The following RANBP2 variants were observed in gnomAD, a reference collection of about 807,000 sequenced individuals.
RANBP2 encodes E3 SUMO-protein ligase RanBP2.
RANBP2 carries 57 observed loss-of-function variants against 303.6 expected under a neutral mutation model. The ratio of observed to expected loss-of-function variants is 0.19; its 90% CI spans 0.15 to 0.23. The LOEUF (loss-of-function observed/expected upper bound fraction) is 0.23. Ranked by LOEUF, RANBP2 falls within the 10% of genes least tolerant of loss-of-function variation. The probability of loss-of-function intolerance (pLI) is 1.00; values close to 1 mark genes in which losing one functional copy is unlikely to be tolerated. For synonymous variants in RANBP2, 1,167 were observed against 1,301.5 expected (o/e 0.90, Z 2.23); for missense variants, 3,138 against 3,780.8 (o/e 0.83, Z 4.46).
chr2:109,400,211 C>G, the RANBP2 span, among the ~76,000 whole-genome samples: 3 of 152,210 alleles, frequency 2.0e-5, no homozygotes, highest in African/African-American at 7.2e-5. Flanking sequence ...CCTACACACA[C>G]TTGCACACAT....
At chr2:109,139,198 G>A in the RANBP2 span, among the ~76,000 whole-genome samples, 1 of 152,188 alleles carries the variant, frequency 6.6e-6, no homozygotes, top group East Asian at 1.9e-4. Flanking sequence ...CCCAAGCACA[G>A]CCAAAGGTAA....
chr2:108,762,761 C>T (rs1676817509), intron 19 of RANBP2, among the ~76,000 whole-genome samples: 1 of 151,304 alleles, frequency 6.6e-6, no homozygotes, highest in African/African-American at 2.4e-5. Flanking sequence ...TAGAACAGTG[C>T]CCAGCTGGCA....
chr2:108,753,240 A>G, intron 13 of RANBP2, 81 bp downstream of exon 13: 1 of 1,607,730 alleles, frequency 6.2e-7, no homozygotes, highest in Non-Finnish European at 8.5e-7. Flanking sequence ...ACACTGCTTA[A>G]ATTAATTGCC....
chr2:109,469,474 T>C, the RANBP2 span, among the ~76,000 whole-genome samples: 1 of 152,172 alleles, frequency 6.6e-6, no homozygotes, highest in East Asian at 1.9e-4. Flanking sequence ...TGTGCAGGGG[T>C]CACACTATGT....
chr2:108,727,632 A>ATTTTTT, intron 1 of RANBP2, among the ~76,000 whole-genome samples: 1 of 141,594 alleles, frequency 7.1e-6, no homozygotes. Flanking sequence ...TTGAGATGGA[A>ATTTTTT]TCATTCTGTT....
the RANBP2 span, among the ~76,000 whole-genome samples, chr2:108,945,195 TG>T: frequency 6.6e-6 from 1 of 152,034 alleles, no homozygotes; most frequent in Non-Finnish European, 1.5e-5. Flanking sequence ...CCAGCTTGGG[TG>T]GGGGCGAGCT....
At chr2:109,674,792 G>T in the RANBP2 span, among the ~76,000 whole-genome samples, 1 of 151,888 alleles carries the variant, frequency 6.6e-6, no homozygotes, top group Admixed American at 6.6e-5. Context: ...CCCTGAGTTT[G>T]CTAGCTTTCT....
chr2:109,453,201 A>G, the RANBP2 span, among the ~76,000 whole-genome samples: 1 of 152,110 alleles, frequency 6.6e-6, no homozygotes, highest in South Asian at 2.1e-4. Flanking sequence ...CTGCCAGCCT[A>G]TGCAGGAACC....
At chr2:109,170,971 A>C in the RANBP2 span, among the ~76,000 whole-genome samples, 2 of 152,128 alleles carry the variant, frequency 1.3e-5, no homozygotes, top group African/African-American at 4.8e-5. Flanking sequence ...GCACAGAGGC[A>C]CACAGGGCGC....
the RANBP2 span, among the ~76,000 whole-genome samples, chr2:109,248,644 A>G: frequency 2.6e-5 from 4 of 152,222 alleles, no homozygotes; most frequent in African/African-American, 9.7e-5. Context: ...AAGTGCAAGC[A>G]AATAATTAGT....
chr2:109,602,163 A>G, the RANBP2 span, among the ~76,000 whole-genome samples: 1 of 152,210 alleles, frequency 6.6e-6, no homozygotes, highest in Admixed American at 6.5e-5. Flanking sequence ...GTGGGTAACA[A>G]AGGTAACAAT....
At chr2:109,022,835 G>A in the RANBP2 span, among the ~76,000 whole-genome samples, 2 of 152,170 alleles carry the variant, frequency 1.3e-5, no homozygotes, top group South Asian at 4.1e-4. Flanking sequence ...TGGATCACCT[G>A]AGGTCAGGAG....
the RANBP2 span, among the ~76,000 whole-genome samples, chr2:109,489,760 C>T: frequency 2.6e-5 from 4 of 151,026 alleles, no homozygotes; most frequent in South Asian, 2.1e-4. Flanking sequence ...GCGGGGGGGA[C>T]GGAGTCTCGC....
the RANBP2 span, among the ~76,000 whole-genome samples, chr2:109,726,058 G>GGTGT: frequency 0.14 from 19,341 of 136,704 alleles, 1,473 homozygotes; most frequent in Non-Finnish European, 0.17. Context: ...TTTTGCTTTT[G>GGTGT]GTGTGTGTGT....
chr2:108,858,574 A>C, the RANBP2 span, among the ~76,000 whole-genome samples: 1 of 152,214 alleles, frequency 6.6e-6, no homozygotes, highest in Non-Finnish European at 1.5e-5. Flanking sequence ...AGTACGATTT[A>C]TTAGAGCGAG....
the RANBP2 span, among the ~76,000 whole-genome samples, chr2:109,511,622 G>A: frequency 6.6e-6 from 1 of 152,184 alleles, no homozygotes; most frequent in African/African-American, 2.4e-5. Context: ...GAATAGGGAG[G>A]GGCACAAGCC....
At chr2:109,421,229 G>A in the RANBP2 span, among the ~76,000 whole-genome samples, 1 of 152,242 alleles carries the variant, frequency 6.6e-6, no homozygotes, top group Non-Finnish European at 1.5e-5. Context: ...CAAATGAGAG[G>A]CAGGATGCAG....
chr2:109,681,824 C>A, the RANBP2 span, among the ~76,000 whole-genome samples: 1 of 152,258 alleles, frequency 6.6e-6, no homozygotes, highest in Non-Finnish European at 1.5e-5. Context: ...GGAGCACTTA[C>A]CATGGGCCAA....
the RANBP2 span, among the ~76,000 whole-genome samples, chr2:109,333,776 CCT>C: frequency 5.9e-5 from 9 of 152,158 alleles, no homozygotes; most frequent in African/African-American, 2.2e-4. Context: ...TGTTAATTAA[CCT>C]CTGTGTGACT....
Sources: allele counts gnomAD v4.1 joint callset (sites outside exome capture counted in the v4.1 genomes callset), GRCh38; gene constraint gnomAD v4.1.1; transcripts MANE v1.5; gene names NCBI Gene and HGNC (gene_info 2026-07-23, HGNC 2026-07-21).